PTPN22: variants seen among roughly 807,000 people sequenced by gnomAD.
The protein encoded by PTPN22 is protein tyrosine phosphatase non-receptor type 22.
Under a neutral mutation model 103.3 loss-of-function variants are expected in PTPN22, and 85 were observed. That is an observed-to-expected ratio of 0.82 (90% CI 0.69 to 0.99). The LOEUF (loss-of-function observed/expected upper bound fraction) is 0.99. PTPN22 is among the 50% of genes least tolerant of loss of function. PTPN22 has a pLI of 0.00. For synonymous variants in PTPN22, 323 were observed against 310.2 expected (o/e 1.04, Z -0.43); for missense variants, 865 against 936.9 (o/e 0.92, Z 1.00).
intron 7 of PTPN22, among the ~76,000 whole-genome samples, 189 bp downstream of exon 7, chr1:113,856,193 T>C (rs745958306): frequency 1.3e-5 from 2 of 152,146 alleles, no homozygotes; most frequent in African/African-American, 2.4e-5. Context: ...TTTTTGTGTG[T>C]TTTTAGTAGA....
intron 19 of PTPN22, among the ~76,000 whole-genome samples, chr1:113,824,642 G>A (rs538266423): frequency 9.2e-5 from 14 of 152,154 alleles, no homozygotes; most frequent in South Asian, 4.1e-4. Flanking sequence ...ATACATCTGA[G>A]GTTAGACTGC....
At chr1:113,857,116 G>A (rs757812567) in intron 5 of PTPN22, among the ~76,000 whole-genome samples, 6 of 152,084 alleles carry the variant, frequency 3.9e-5, no homozygotes, top group Non-Finnish European at 7.4e-5. Flanking sequence ...AAAACATTCT[G>A]ACATGTAACC....
chr1:113,828,302 T>G (rs1662262366), intron 18 of PTPN22, among the ~76,000 whole-genome samples: 1 of 152,166 alleles, frequency 6.6e-6, no homozygotes, highest in Admixed American at 6.5e-5. Flanking sequence ...GGATTTTGAG[T>G]AAGTTATAAA....
rs934561540 is a variant in PTPN22 at position 113,824,780 on chromosome 1, C to T, written c.2281+362G>A. The stretch of plus-strand genomic sequence containing the variant: ...TTGGGAGGCCAAGGCAGGAGGATCA[C>T]TTGAGCCCAGGAGTTCGAGACCAAC... On this transcript the variant is annotated intron_variant, in intron 19 of 20. Transcript: ENST00000359785. Among the ~76,000 whole-genome samples the T allele has an allele frequency of 6.6e-5, 10 of 151,942 alleles. No homozygotes were observed. The East Asian group carries it at 1.9e-3, about 29-fold the overall frequency.
At chr1:113,828,032 C>G (rs1280275260) in intron 18 of PTPN22, among the ~76,000 whole-genome samples, 1 of 152,138 alleles carries the variant, frequency 6.6e-6, no homozygotes, top group Non-Finnish European at 1.5e-5. Context: ...ATATAAAGGG[C>G]ATACCATGCT....
At chr1:113,813,854 A>G (rs968034146) in exon 21 of PTPN22, 2 of 152,326 alleles carry the variant, frequency 1.3e-5, no homozygotes, top group Admixed American at 1.3e-4. Flanking sequence ...TGTTGGATAC[A>G]TTGTACTACA....
chr1:113,861,619 T>TC (rs1665607693), intron 1 of PTPN22, among the ~76,000 whole-genome samples: 2 of 151,830 alleles, frequency 1.3e-5, no homozygotes, highest in African/African-American at 4.8e-5. Flanking sequence ...CCTCAAGTGA[T>TC]CCCCCCACCT....
intron 9 of PTPN22, among the ~76,000 whole-genome samples, chr1:113,852,647 AC>A (rs1201801198): frequency 1.3e-5 from 2 of 152,146 alleles, no homozygotes; most frequent in Admixed American, 6.5e-5. Flanking sequence ...ATCTCTAGAG[AC>A]ATGATTCAAT....
chr1:113,854,476 C>G, exon 9 of PTPN22: 9 of 1,613,270 alleles, frequency 5.6e-6, no homozygotes, highest in Non-Finnish European at 7.6e-6. Flanking sequence ...CTCACCCCAT[C>G]TTTTAGCAAC....
In PTPN22 at chr1:113,819,667, GA is replaced by G; in HGVS notation, c.2282-14del. ...GAATTACAGATACCTAGAATCAAAAGAAAAAAATATAAGGGAAAGACTAAAG... is the reference window on the plus strand; with the variant it reads ...GAATTACAGATACCTAGAATCAAAAGAAAAAATATAAGGGAAAGACTAAAG... On this transcript the variant is annotated splice_polypyrimidine_tract_variant and intron_variant, in intron 19 of 20. Transcript: ENST00000359785. 1 of 1,552,012 alleles carries G rather than the reference GA, an allele frequency of 6.4e-7. No homozygotes were observed. The highest frequency in any genetic ancestry group is 8.8e-7 in the Non-Finnish European group (1 of 1,136,920).
chr1:113,837,753 C>T lies in PTPN22; in HGVS notation c.1647G>A (p.Met549Ile), dbSNP rs1663146777. 6 of 1,613,842 alleles carry T rather than the reference C, an allele frequency of 3.7e-6. No individual in the cohort carries two copies. The East Asian group carries it at 1.3e-4, about 36-fold the overall frequency. Residue 549 changes from methionine to isoleucine, a missense_variant, in exon 13 of 21, where the codon ATG becomes ATA. Around this residue, in one of 3 missense-constraint regions of PTPN22, gnomAD observed 401 missense variants for 388.6 expected, o/e 1.03. Coordinates refer to ENST00000359785, the Ensembl canonical transcript of PTPN22. ...CTTGCTTCTCAGGTAAATCAAGAGA[C>T]ATCTTAGAACTGGTACCACTTGGAG...
exon 18 of PTPN22, chr1:113,829,607 A>G: frequency 6.3e-7 from 1 of 1,595,252 alleles, no homozygotes; most frequent in Non-Finnish European, 8.6e-7. Context: ...TCCTTGTGAA[A>G]CTTTTTCCAG....
chr1:113,858,517 G>A (rs747269761), exon 4 of PTPN22: 2 of 1,607,254 alleles, frequency 1.2e-6, no homozygotes, highest in African/African-American at 1.3e-5. Context: ...AGAAGTCCAG[G>A]AGGGTTGTAG....
In PTPN22 at chr1:113,850,291, G is replaced by GA. The variant is rs1228812072; in HGVS notation, c.829-1666dup. Among the ~76,000 whole-genome samples, 9 of 151,568 alleles carry GA rather than the reference G, an allele frequency of 5.9e-5. No individual in the cohort carries two copies. The South Asian group carries it at 1.0e-3, about 18-fold the overall frequency. On this transcript the variant is annotated intron_variant, in intron 10 of 20. Transcript: ENST00000359785. ...AAGGAAGGAAAGAAAGGAAGAAAAA[G>GA]AAAAATCAGACAGGAAGCTCTCATC...
chr1:113,862,923 T>C (rs1337962108), intron 1 of PTPN22, among the ~76,000 whole-genome samples: 2 of 152,130 alleles, frequency 1.3e-5, no homozygotes, highest in Non-Finnish European at 2.9e-5. Context: ...GAGCGTGCAA[T>C]GCAATCATCT....
chr1:113,854,783 G>T, intron 8 of PTPN22, 124 bp downstream of exon 8: 2 of 1,260,268 alleles, frequency 1.6e-6, no homozygotes, highest in South Asian at 1.5e-5. Flanking sequence ...TGAATTTAAT[G>T]CTTAGGTTGA....
intron 4 of PTPN22, 175 bp from the exon 5 acceptor site, chr1:113,857,951 AT>A: frequency 2.0e-6 from 1 of 501,686 alleles, no homozygotes; most frequent in Non-Finnish European, 3.5e-6. Flanking sequence ...CTCTTCCTTC[AT>A]TCTGACAATA....
At chr1:113,869,220 C>CA (rs1005809277) in intron 1 of PTPN22, among the ~76,000 whole-genome samples, 3 of 150,948 alleles carry the variant, frequency 2.0e-5, no homozygotes, top group Non-Finnish European at 3.0e-5. Flanking sequence ...TTGTCGCCCC[C>CA]AAAAAAAAGA....
At chr1:113,843,138 C>G (rs1337726854) in intron 11 of PTPN22, among the ~76,000 whole-genome samples, 1 of 145,066 alleles carries the variant, frequency 6.9e-6, no homozygotes, top group Non-Finnish European at 1.5e-5. Flanking sequence ...AGAATTACCA[C>G]ATGTAATTCC....
Sources: allele counts gnomAD v4.1 joint callset (sites outside exome capture counted in the v4.1 genomes callset), GRCh38; gene constraint gnomAD v4.1.1; regional missense constraint gnomAD v4.1.1; transcripts MANE v1.5; gene names NCBI Gene and HGNC (gene_info 2026-07-23, HGNC 2026-07-21).